Variants in ADCY9 observed in about 807,000 individuals in gnomAD.
The protein encoded by ADCY9 is adenylate cyclase type 9.
In ADCY9, 50 loss-of-function variants were observed where a neutral mutation model predicts 101.5. The ratio of observed to expected loss-of-function variants is 0.49; its 90% confidence interval spans 0.39 to 0.62. ADCY9 has a LOEUF of 0.62. Among genes scored for constraint, ADCY9 ranks in the 20% least tolerant of loss-of-function variants. ADCY9 has a pLI of 0.00. For missense variants in ADCY9, 1,662 were observed against 1,800.4 expected, an observed-to-expected ratio of 0.92 and a Z score of 1.39; for synonymous variants, 905 against 769.3, an observed-to-expected ratio of 1.18 and a Z score of -2.92.
intron 2 of ADCY9, among the ~76,000 whole-genome samples, chr16:4,048,250 T>A (rs917996439): frequency 6.6e-6 from 1 of 152,218 alleles, no homozygotes; most frequent in African/African-American, 2.4e-5. Context: ...ACTGCCATTT[T>A]AAAATGAGAA....
Position 4,113,860 on chromosome 16 carries a change from T to C in ADCY9, c.1583A>G (p.Lys528Arg), listed in dbSNP as rs1469842444. 2 of 1,614,026 alleles carry C rather than the reference T, an allele frequency of 1.2e-6. No individual in the cohort carries two copies. The highest frequency in any genetic ancestry group is 1.1e-5 in the South Asian group (1 of 91,080). ...NLMEQLGVAG[K>R]VHISEATAKY... ...TGCGGTGGCCTCAGAAATGTGAACT[T>C]TGCCGGCCACTCCCAGCTGCTCCAT... Residue 528 changes from lysine to arginine, a missense_variant, in exon 2 of 11, where the codon AAA (lysine) becomes AGA (arginine). Physicochemically the swap from Lys to Arg is conservative, Grantham distance 26. This residue lies in a region of ADCY9 where 228 missense variants were observed against 301.1 expected (regional missense o/e 0.76). Transcript: ENST00000294016.
intron 2 of ADCY9, among the ~76,000 whole-genome samples, chr16:4,063,376 C>T (rs2056783296): frequency 6.6e-6 from 1 of 151,682 alleles, no homozygotes; most frequent in Non-Finnish European, 1.5e-5. Flanking sequence ...ATGTTAAAAG[C>T]CTGTATCAGG....
intron 2 of ADCY9, among the ~76,000 whole-genome samples, chr16:4,018,377 T>C (rs975605710): frequency 1.3e-5 from 2 of 152,082 alleles, no homozygotes; most frequent in Non-Finnish European, 2.9e-5. Flanking sequence ...CATGCCCGGC[T>C]AATTTTTGTG....
In ADCY9 at chr16:3,965,389, G is replaced by C; in HGVS notation, c.*386C>G. Reference sequence around the variant, plus strand: ...GCCAGAGAACCGAAAATAGTGTCTCGTGGGACGTGGGAAAAAGCAATAAAA... The same window carrying C: ...GCCAGAGAACCGAAAATAGTGTCTCCTGGGACGTGGGAAAAAGCAATAAAA... On this transcript the variant is annotated 3_prime_UTR_variant, in exon 11 of 11. Transcript: ENST00000294016. The C allele has an allele frequency of 4.1e-6, 1 of 241,974 alleles. No individual in the cohort carries two copies. The highest frequency in any genetic ancestry group is 8.0e-6 in the Non-Finnish European group (1 of 124,640). 15.0% of individuals were successfully genotyped at this position (241,974 alleles called of 1,614,324 possible). A position where few individuals can be genotyped will look rare whatever the true frequency, so the allele number is the denominator to read the frequency against.
rs1450975876 is a variant in ADCY9 at position 4,098,543 on chromosome 16, C to CATTCATTT, written c.1693+15199_1693+15206dup. Among the ~76,000 whole-genome samples, 3 of 152,136 alleles carry CATTCATTT rather than the reference C, an allele frequency of 2.0e-5. No homozygotes were observed. The East Asian group carries it at 5.8e-4, about 29-fold the overall frequency. Reference sequence around the variant, plus strand: ...GCCACTGTGTCTGGCCTGTAATATTCATTCATTTATTCATTCATTCATTCA... The same window carrying CATTCATTT: ...GCCACTGTGTCTGGCCTGTAATATTCATTCATTTATTCATTTATTCATTCATTCATTCA... On this transcript the variant is annotated intron_variant, in intron 2 of 10. Transcript: ENST00000294016.
At chr16:4,007,587 C>G in intron 2 of ADCY9, 29 bp from the exon 3 acceptor site, 2 of 1,568,172 alleles carry the variant, frequency 1.3e-6, no homozygotes, top group Non-Finnish European at 1.7e-6. Context: ...ACAGTCAGCA[C>G]AGATTGAAAG....
At chr16:4,100,039 T>C (rs560783423) in intron 2 of ADCY9, among the ~76,000 whole-genome samples, 3 of 152,068 alleles carry the variant, frequency 2.0e-5, no homozygotes, top group Non-Finnish European at 4.4e-5. Context: ...TCCCCATGTG[T>C]CGAGGGAGGG....
chr16:4,114,569 G>C lies in ADCY9; in HGVS notation c.874C>G (p.His292Asp). ...LSRGLLHGCI[H>D]AIGVHLFVMS... ...ACGAACAGGTGGACCCCGATGGCGT[G>C]GATGCAGCCGTGGAGCAGCCCCCTG... is the stretch of plus-strand genomic sequence containing the variant. The change falls in exon 2 of 11, where the codon CAC (histidine) becomes GAC (aspartate). Residue 292 changes from histidine to aspartate, a missense_variant. His to Asp is a moderately conservative substitution (Grantham distance 81, BLOSUM62 -1). Coordinates refer to ENST00000294016, the MANE Select transcript of ADCY9 (RefSeq NM_001116.4). The surrounding 1 kb of genome is among the most constrained non-coding windows in gnomAD (Gnocchi z 4.3). 6.2e-7 allele frequency: 1 copy of C among 1,614,044 alleles called. No homozygotes were observed. Among genetic ancestry groups the C allele is most frequent in the Non-Finnish European group, 8.5e-7 (1 of 1,180,038 alleles).
chr16:4,057,513 CT>C (rs1317559586), intron 2 of ADCY9, among the ~76,000 whole-genome samples: 1 of 152,152 alleles, frequency 6.6e-6, no homozygotes, highest in Non-Finnish European at 1.5e-5. Flanking sequence ...CGTTCTGTCT[CT>C]GTTTCTTTCC....
At chr16:4,093,360 C>T (rs2056984605) in intron 2 of ADCY9, among the ~76,000 whole-genome samples, 1 of 152,176 alleles carries the variant, frequency 6.6e-6, no homozygotes. Context: ...CAACCTAGAG[C>T]AGGCCTAGAA....
intron 2 of ADCY9, among the ~76,000 whole-genome samples, chr16:4,014,636 G>C (rs62036957): frequency 0.88 from 133,051 of 151,876 alleles, 58,820 homozygotes; most frequent in East Asian, 1. Context: ...TTAGCAGAGA[G>C]GGGGTTTTGC....
chr16:3,995,422 C>A (rs1443967542), intron 3 of ADCY9, among the ~76,000 whole-genome samples: 1 of 151,874 alleles, frequency 6.6e-6, no homozygotes, highest in African/African-American at 2.4e-5. Context: ...GAGAAAGACC[C>A]TGTCTTAAAA....
intron 2 of ADCY9, among the ~76,000 whole-genome samples, chr16:4,036,134 T>G (rs2056587984): frequency 6.7e-6 from 1 of 150,232 alleles, no homozygotes; most frequent in East Asian, 2.0e-4. Flanking sequence ...GCTCCTTGTA[T>G]CTTCCTATCT....
intron 10 of ADCY9, among the ~76,000 whole-genome samples, chr16:3,974,113 C>T (rs2056074187): frequency 6.6e-6 from 1 of 152,196 alleles, no homozygotes; most frequent in Admixed American, 6.5e-5. Flanking sequence ...ACAATCTTGG[C>T]TCACTGCAAG....
intron 2 of ADCY9, among the ~76,000 whole-genome samples, chr16:4,103,076 T>A (rs1446441581): frequency 6.6e-6 from 1 of 152,206 alleles, no homozygotes; most frequent in Non-Finnish European, 1.5e-5. Context: ...TTTACCAGAA[T>A]CACAAAAGAT....
chr16:4,010,986 C>T (rs1234421983), intron 2 of ADCY9, among the ~76,000 whole-genome samples: 3 of 152,196 alleles, frequency 2.0e-5, no homozygotes, highest in Non-Finnish European at 1.5e-5. Context: ...TCTTGGACTT[C>T]CCAGCCTCCT....
chr16:4,090,619 A>T (rs1479110786), intron 2 of ADCY9, among the ~76,000 whole-genome samples: 2 of 151,964 alleles, frequency 1.3e-5, no homozygotes, highest in Non-Finnish European at 2.9e-5. Flanking sequence ...ACTCGACCCC[A>T]CGGAAACCAG....
chr16:3,971,404 G>T (rs543389100), intron 10 of ADCY9, among the ~76,000 whole-genome samples: 1 of 152,268 alleles, frequency 6.6e-6, no homozygotes, highest in South Asian at 2.1e-4. Context: ...ACCTGGGGCT[G>T]GTCTTGGGAG....
At chr16:4,112,569 G>A (rs898835996) in intron 2 of ADCY9, among the ~76,000 whole-genome samples, 4 of 151,954 alleles carry the variant, frequency 2.6e-5, no homozygotes, top group Non-Finnish European at 2.9e-5. Flanking sequence ...TACTTCTGCC[G>A]TCTCTGATTG....
Sources: gnomAD v4.1 joint callset for allele counts (sites outside exome capture counted in the v4.1 genomes callset) on GRCh38, gnomAD v4.1.1 for gene constraint, gnomAD v4.1.1 regional missense constraint, Gnocchi (gnomAD v3.1) non-coding constraint, MANE v1.5 for transcripts, NCBI Gene and HGNC (gene_info 2026-07-23, HGNC 2026-07-21) for gene names.